GRIN2B: variants seen among roughly 807,000 people sequenced by gnomAD.
The protein encoded by GRIN2B is glutamate receptor ionotropic, NMDA 2B.
In GRIN2B, 5 loss-of-function variants were observed where a neutral mutation model predicts 114.5. The observed-to-expected ratio is 0.04, with a 90% CI of 0.02 to 0.09. The LOEUF (loss-of-function observed/expected upper bound fraction) is 0.09, where lower values mean the gene tolerates loss of function less well. GRIN2B is among the 10% of genes least tolerant of loss of function. The pLI is 1.00. For missense variants in GRIN2B, 1,108 were observed against 1,943.5 expected, an observed-to-expected ratio of 0.57 and a Z score of 8.08; for synonymous variants, 787 against 745.1, an observed-to-expected ratio of 1.06 and a Z score of -0.92.
chr12:13,966,567 G>A (rs1867793123), intron 2 of GRIN2B, among the ~76,000 whole-genome samples: 1 of 152,022 alleles, frequency 6.6e-6, no homozygotes, highest in Non-Finnish European at 1.5e-5. Flanking sequence ...GTCTTTTCTT[G>A]CCAGATGTAA....
chr12:13,704,103 G>A (rs1385760942), intron 4 of GRIN2B, among the ~76,000 whole-genome samples: 1 of 152,194 alleles, frequency 6.6e-6, no homozygotes, highest in Non-Finnish European at 1.5e-5. Flanking sequence ...AAATAGTAAT[G>A]TGGTCATGAG....
chr12:13,943,512 T>C lies in GRIN2B; in HGVS notation c.-19+36416A>G, dbSNP rs150164248. On this transcript the variant is annotated intron_variant, in intron 2 of 13. Transcript: ENST00000609686. Reference sequence around the variant, plus strand: ...TTGCCATGGCCTTCAAAGCCCTACGTGAACTGGCCCTTGACTACCTCCGTG... The same window carrying C: ...TTGCCATGGCCTTCAAAGCCCTACGCGAACTGGCCCTTGACTACCTCCGTG... Among the ~76,000 whole-genome samples the C allele has an allele frequency of 7.3e-3, 1,113 of 152,278 alleles. 17 individuals are homozygous for C. The highest frequency in any genetic ancestry group is 0.026 in the African/African-American group (1,072 of 41,572).
intron 3 of GRIN2B, among the ~76,000 whole-genome samples, chr12:13,766,028 A>C (rs928341642): frequency 2.0e-5 from 3 of 152,184 alleles, no homozygotes; most frequent in African/African-American, 7.2e-5. Flanking sequence ...CTTCAATCCC[A>C]TGCATCTATC....
At chr12:13,585,819 C>T (rs1044406681) in intron 10 of GRIN2B, among the ~76,000 whole-genome samples, 1 of 152,172 alleles carries the variant, frequency 6.6e-6, no homozygotes, top group African/African-American at 2.4e-5. Context: ...TTGTCTGCTT[C>T]TGTCTCCATC....
Position 13,948,780 on chromosome 12 carries a change from G to A in GRIN2B, c.-19+31148C>T, listed in dbSNP as rs372432142. 7.0e-4 allele frequency among the ~76,000 whole-genome samples: 107 copies of A among 152,174 alleles called. 1 individual carries two copies. Among genetic ancestry groups the A allele is most frequent in the African/African-American group, 2.4e-3 (99 of 41,508 alleles). On this transcript the variant is annotated intron_variant, in intron 2 of 13. Coordinates refer to ENST00000609686, the MANE Select transcript of GRIN2B (RefSeq NM_000834.5). ...AAAGACTCAAAAGTTGTGGTGCTGCGACACCCGGAATGTAAGGAAGGTAAC... is the reference window on the plus strand; with the variant it reads ...AAAGACTCAAAAGTTGTGGTGCTGCAACACCCGGAATGTAAGGAAGGTAAC...
chr12:13,977,964 A>G (rs1863057045), intron 2 of GRIN2B, among the ~76,000 whole-genome samples: 2 of 152,084 alleles, frequency 1.3e-5, no homozygotes, highest in African/African-American at 2.4e-5. Context: ...ACAACTAATG[A>G]TAGCCTGGAA....
At chr12:13,713,335 A>C (rs1313668142) in intron 4 of GRIN2B, among the ~76,000 whole-genome samples, 1 of 151,834 alleles carries the variant, frequency 6.6e-6, no homozygotes, top group Non-Finnish European at 1.5e-5. Context: ...TAATAATTTT[A>C]GCAAGTGATC....
At chr12:13,847,286 A>T (rs1386579263) in intron 3 of GRIN2B, among the ~76,000 whole-genome samples, 2 of 152,180 alleles carry the variant, frequency 1.3e-5, no homozygotes, top group Non-Finnish European at 2.9e-5. Context: ...CACTATGACC[A>T]AGCATATGGA....
At chr12:13,755,264 T>C (rs1042294860) in intron 3 of GRIN2B, among the ~76,000 whole-genome samples, 1 of 152,202 alleles carries the variant, frequency 6.6e-6, no homozygotes, top group Non-Finnish European at 1.5e-5. Context: ...TGAGCATTTC[T>C]TCAGCACCCC....
chr12:13,619,476 T>G (rs1267360277), intron 5 of GRIN2B, among the ~76,000 whole-genome samples: 4 of 152,192 alleles, frequency 2.6e-5, no homozygotes, highest in Admixed American at 2.0e-4. Context: ...ATCTACTGAT[T>G]TTTATTAAAT....
chr12:13,688,192 T>C (rs79487112), intron 4 of GRIN2B, among the ~76,000 whole-genome samples: 5,321 of 152,204 alleles, frequency 0.035, 318 homozygotes, highest in African/African-American at 0.12. Flanking sequence ...AGAGAAGCAA[T>C]GGTCAGTAGA....
intron 2 of GRIN2B, among the ~76,000 whole-genome samples, chr12:13,975,026 T>G (rs1312082670): frequency 6.6e-6 from 1 of 152,080 alleles, no homozygotes; most frequent in African/African-American, 2.4e-5. Flanking sequence ...AAGATGTGCA[T>G]AGGTGGAAAG....
intron 2 of GRIN2B, among the ~76,000 whole-genome samples, chr12:13,923,088 C>CT (rs937970090): frequency 1.5e-4 from 23 of 151,558 alleles, no homozygotes; most frequent in East Asian, 7.7e-4. Flanking sequence ...TAATATACTT[C>CT]TTTTTTTTTC....
chr12:13,869,241 C>CTTTTTTTTTTTTTTTTTT (rs377460231), intron 2 of GRIN2B, among the ~76,000 whole-genome samples: 19 of 127,366 alleles, frequency 1.5e-4, no homozygotes, highest in East Asian at 2.2e-4. Context: ...CTTTTTTTTT[C>CTTTTTTTTTTTTTTTTTT]TTTTTTTTTT....
chr12:13,943,088 G>A (rs1473913092), intron 2 of GRIN2B, among the ~76,000 whole-genome samples: 2 of 152,080 alleles, frequency 1.3e-5, no homozygotes, highest in African/African-American at 2.4e-5. Context: ...TAGCCTTAGA[G>A]CAGCCACTGC....
chr12:13,837,016 T>G (rs967068027), intron 3 of GRIN2B, among the ~76,000 whole-genome samples: 4 of 152,336 alleles, frequency 2.6e-5, no homozygotes, highest in Admixed American at 2.0e-4. Flanking sequence ...TTCATTGGCT[T>G]ACATCAAATC....
chr12:13,887,794 A>C (rs992516756), intron 2 of GRIN2B, among the ~76,000 whole-genome samples: 2 of 152,240 alleles, frequency 1.3e-5, no homozygotes, highest in African/African-American at 4.8e-5. Context: ...TCCATGGGTG[A>C]GTAGCTCTTA....
intron 2 of GRIN2B, among the ~76,000 whole-genome samples, chr12:13,946,535 T>C (rs972947284): frequency 2.0e-5 from 3 of 152,116 alleles, no homozygotes; most frequent in Non-Finnish European, 2.9e-5. Flanking sequence ...GTCACTATTA[T>C]ACTTCTTTGC....
At chr12:13,660,991 A>C (rs921298736) in intron 5 of GRIN2B, among the ~76,000 whole-genome samples, 3 of 152,132 alleles carry the variant, frequency 2.0e-5, no homozygotes, top group African/African-American at 2.4e-5. Flanking sequence ...TCTGTTTTTA[A>C]TTGCTGTCAG....
Sources: gnomAD v4.1 joint callset for allele counts (sites outside exome capture counted in the v4.1 genomes callset) on GRCh38, gnomAD v4.1.1 for gene constraint, MANE v1.5 for transcripts, NCBI Gene and HGNC (gene_info 2026-07-23, HGNC 2026-07-21) for gene names.